The following ANKS1B variants were observed in gnomAD, a reference collection of about 807,000 sequenced individuals.
ANKS1B encodes ankyrin repeat and sterile alpha motif domain-containing protein 1B.
In ANKS1B, 36 loss-of-function variants were observed where a neutral mutation model predicts 148.3. That is an observed-to-expected ratio of 0.24 (90% CI 0.19 to 0.32). ANKS1B has a LOEUF of 0.32. Among genes scored for constraint, ANKS1B ranks in the 10% least tolerant of loss-of-function variants. ANKS1B has a pLI of 1.00. For synonymous variants in ANKS1B, 542 were observed against 560.8 expected, an observed-to-expected ratio of 0.97 and a Z score of 0.47; for missense variants, 1,157 against 1,542.6, an observed-to-expected ratio of 0.75 and a Z score of 4.19.
chr12:99,344,628 C>T (rs776203893), intron 12 of ANKS1B, among the ~76,000 whole-genome samples: 363 of 152,112 alleles, frequency 2.4e-3, no homozygotes, highest in Non-Finnish European at 4.1e-3. Flanking sequence ...ATCTTGCCTA[C>T]TTTTGGGCAA....
intron 8 of ANKS1B, among the ~76,000 whole-genome samples, chr12:99,709,504 G>A (rs11609104): frequency 2.0e-5 from 3 of 151,968 alleles, no homozygotes; most frequent in African/African-American, 7.2e-5. Flanking sequence ...TAAGGCTCAC[G>A]ACAACAGATG....
At position 99,134,645 on chromosome 12, in the gene ANKS1B, T is replaced by TCTCTCA. The variant is rs1380319841; in HGVS notation, c.2526+19643_2526+19644insTGAGAG. ...CCCTTTCTGTCTCTCTCTCTCTCTC[T>TCTCTCA]CACACACACACACACACACACACAC... On this transcript the variant is annotated intron_variant, in intron 15 of 26. Coordinates refer to ENST00000683438, the MANE Select transcript of ANKS1B (RefSeq NM_001352186.2). Among the ~76,000 whole-genome samples the TCTCTCA allele has an allele frequency of 2.2e-3, 235 of 105,072 alleles. 1 individual carries two copies. The highest frequency in any genetic ancestry group is 3.8e-3 in the African/African-American group (99 of 26,114). The allele number at this position is 105,072 out of a possible 152,430, so 68.9% of individuals were successfully genotyped here.
chr12:99,017,320 T>C (rs1342748488), intron 17 of ANKS1B, among the ~76,000 whole-genome samples: 1 of 152,134 alleles, frequency 6.6e-6, no homozygotes, highest in Non-Finnish European at 1.5e-5. Flanking sequence ...GTAAAACTAA[T>C]GGAAAGGCAC....
At chr12:98,927,008 T>C (rs999573415) in intron 17 of ANKS1B, among the ~76,000 whole-genome samples, 14 of 152,072 alleles carry the variant, frequency 9.2e-5, no homozygotes, top group African/African-American at 3.1e-4. Context: ...AATCCACACA[T>C]GCAAGAAGCC....
chr12:99,220,225 C>T (rs1055586090), intron 14 of ANKS1B, among the ~76,000 whole-genome samples: 1 of 152,002 alleles, frequency 6.6e-6, no homozygotes, highest in Non-Finnish European at 1.5e-5. Flanking sequence ...GTCTTGAACT[C>T]CTGACCTCAT....
chr12:99,665,648 G>C (rs1005478698), intron 8 of ANKS1B, among the ~76,000 whole-genome samples: 1 of 151,868 alleles, frequency 6.6e-6, no homozygotes, highest in African/African-American at 2.4e-5. Context: ...CACCACGCCC[G>C]GCTAATTTTT....
At chr12:99,623,523 T>G (rs2098079629) in intron 9 of ANKS1B, among the ~76,000 whole-genome samples, 1 of 152,026 alleles carries the variant, frequency 6.6e-6, no homozygotes, top group South Asian at 2.1e-4. Flanking sequence ...GCCAATAGGC[T>G]CATGGAACTG....
At chr12:98,895,128 C>G in intron 17 of ANKS1B, 1 of 985,218 alleles carries the variant, frequency 1.0e-6, no homozygotes, top group Non-Finnish European at 1.2e-6. Context: ...CCGGGGAGGG[C>G]TTACCGCTCG....
intron 12 of ANKS1B, among the ~76,000 whole-genome samples, chr12:99,397,976 G>C (rs555059269): frequency 6.6e-6 from 1 of 152,156 alleles, no homozygotes; most frequent in East Asian, 1.9e-4. Context: ...CCCAGGGCTA[G>C]AATGTTCAGC....
intron 6 of ANKS1B, among the ~76,000 whole-genome samples, chr12:99,777,665 A>T (rs941785855): frequency 6.6e-6 from 1 of 151,786 alleles, no homozygotes; most frequent in Non-Finnish European, 1.5e-5. Context: ...GCTCACTGCA[A>T]CCTCTGCCTT....
At chr12:99,648,214 A>G (rs756669117) in intron 9 of ANKS1B, 2 of 1,614,154 alleles carry the variant, frequency 1.2e-6, no homozygotes, top group South Asian at 2.2e-5. Context: ...CACGGCCCAA[A>G]GCAGCCCCGC....
chr12:98,981,657 A>C (rs2099911054), intron 17 of ANKS1B, among the ~76,000 whole-genome samples: 1 of 152,170 alleles, frequency 6.6e-6, no homozygotes. Context: ...TTTTAATGGG[A>C]GGTTAGGGAC....
At chr12:99,622,768 C>G (rs890183205) in intron 9 of ANKS1B, among the ~76,000 whole-genome samples, 4 of 151,660 alleles carry the variant, frequency 2.6e-5, no homozygotes, top group African/African-American at 9.7e-5. Context: ...ACTTACCCAC[C>G]AAAAAAGCCC....
Position 98,782,178 on chromosome 12 carries a change from G to C in ANKS1B, c.3343-41C>G, listed in dbSNP as rs753529865. ...GTTAAGACAGATGGGAACATAATAG[G>C]AGAGAAAACATATAAAAGGTGAGAG... On this transcript the variant is annotated intron_variant, in intron 22 of 26. Coordinates refer to ENST00000683438, the MANE Select transcript of ANKS1B (RefSeq NM_001352186.2). The C allele has an allele frequency of 9.7e-6, 15 of 1,551,376 alleles. No homozygotes were observed. The Admixed American group carries it at 2.7e-4, about 28-fold the overall frequency.
intron 19 of ANKS1B, among the ~76,000 whole-genome samples, chr12:98,819,276 T>A (rs2153657006): frequency 6.6e-6 from 1 of 152,338 alleles, no homozygotes; most frequent in East Asian, 1.9e-4. Context: ...GAAATTTTCA[T>A]GAAGAAAAGC....
intron 17 of ANKS1B, among the ~76,000 whole-genome samples, chr12:98,835,921 A>T (rs2099360215): frequency 6.6e-6 from 1 of 152,238 alleles, no homozygotes; most frequent in Non-Finnish European, 1.5e-5. Context: ...TAGTTGTGCT[A>T]GAAACTACCA....
intron 22 of ANKS1B, 71 bp from the exon 23 acceptor site, chr12:98,782,208 G>C: frequency 7.8e-7 from 1 of 1,283,900 alleles, no homozygotes; most frequent in Non-Finnish European, 1.1e-6. Flanking sequence ...TGAGAGAGAG[G>C]AAACCATTTC....
At chr12:99,836,423 G>A (rs186085358) in intron 1 of ANKS1B, among the ~76,000 whole-genome samples, 46 of 151,986 alleles carry the variant, frequency 3.0e-4, no homozygotes, top group South Asian at 1.7e-3. Flanking sequence ...AGTCAAAATC[G>A]TACTAACTAA....
chr12:99,002,098 C>T (rs2099933336), intron 17 of ANKS1B, among the ~76,000 whole-genome samples: 1 of 152,124 alleles, frequency 6.6e-6, no homozygotes, highest in South Asian at 2.1e-4. Flanking sequence ...ACGAATAATG[C>T]TGCAATGACC....
Sources: allele counts gnomAD v4.1 joint callset (sites outside exome capture counted in the v4.1 genomes callset), GRCh38; gene constraint gnomAD v4.1.1; transcripts MANE v1.5; gene names NCBI Gene and HGNC (gene_info 2026-07-23, HGNC 2026-07-21).